Variants in ST6GALNAC3 observed in about 807,000 individuals in gnomAD.
ST6GALNAC3 encodes the protein alpha-N-acetylgalactosaminide alpha-2,6-sialyltransferase 3.
ST6GALNAC3 carries 25 observed loss-of-function variants against 32.7 expected under a neutral mutation model. That is an observed-to-expected ratio of 0.76 (90% CI 0.56 to 1.07). The LOEUF (loss-of-function observed/expected upper bound fraction) is 1.07, where lower values mean the gene tolerates loss of function less well. ST6GALNAC3 is among the 50% of genes least tolerant of loss of function. ST6GALNAC3 has a pLI of 0.00. For synonymous variants in ST6GALNAC3, 129 were observed against 133.1 expected (o/e 0.97, Z 0.21); for missense variants, 355 against 382.4 (o/e 0.93, Z 0.60).
At chr1:76,471,700 T>C (rs1659041562) in intron 3 of ST6GALNAC3, among the ~76,000 whole-genome samples, 1 of 152,164 alleles carries the variant, frequency 6.6e-6, no homozygotes, top group African/African-American at 2.4e-5. Context: ...CTAAATGTGA[T>C]GGAAATTTCA....
intron 3 of ST6GALNAC3, among the ~76,000 whole-genome samples, chr1:76,465,004 A>G (rs1313167691): frequency 6.6e-6 from 1 of 152,064 alleles, no homozygotes; most frequent in Non-Finnish European, 1.5e-5. Context: ...TTTTTTCAAA[A>G]TCAGGCGTTC....
chr1:76,258,893 A>G (rs1321078781), intron 1 of ST6GALNAC3, among the ~76,000 whole-genome samples: 1 of 152,186 alleles, frequency 6.6e-6, no homozygotes, highest in Non-Finnish European at 1.5e-5. Flanking sequence ...GTCTTTTTGA[A>G]TGTACTTGTG....
intron 3 of ST6GALNAC3, among the ~76,000 whole-genome samples, chr1:76,604,417 T>C (rs1203381256): frequency 6.6e-6 from 1 of 152,226 alleles, no homozygotes; most frequent in Non-Finnish European, 1.5e-5. Flanking sequence ...CTATGAGAGA[T>C]GTAGAGAATC....
At chr1:76,609,855 T>C (rs888444405) in intron 3 of ST6GALNAC3, among the ~76,000 whole-genome samples, 1 of 152,154 alleles carries the variant, frequency 6.6e-6, no homozygotes, top group South Asian at 2.1e-4. Context: ...AGAAGTGTTA[T>C]ATTAATAGCT....
intron 1 of ST6GALNAC3, among the ~76,000 whole-genome samples, chr1:76,308,390 T>A (rs571337931): frequency 1.3e-5 from 2 of 152,304 alleles, no homozygotes; most frequent in South Asian, 4.1e-4. Context: ...TGACTGTTTA[T>A]ATTGCATATA....
At chr1:76,160,348 G>A (rs890082155) in intron 1 of ST6GALNAC3, among the ~76,000 whole-genome samples, 25 of 152,184 alleles carry the variant, frequency 1.6e-4, no homozygotes, top group African/African-American at 5.8e-4. Context: ...TCCTGTAGTA[G>A]CAGTGTGAAG....
chr1:76,512,731 T>A (rs1661942865), intron 3 of ST6GALNAC3, among the ~76,000 whole-genome samples: 1 of 152,166 alleles, frequency 6.6e-6, no homozygotes, highest in South Asian at 2.1e-4. Context: ...TTCTTGCTCC[T>A]CTCCCTAATC....
chr1:76,192,902 T>C (rs1423102383), intron 1 of ST6GALNAC3, among the ~76,000 whole-genome samples: 1 of 152,198 alleles, frequency 6.6e-6, no homozygotes, highest in East Asian at 1.9e-4. Context: ...AACTGGGGAC[T>C]TTTGTTTATT....
At chr1:76,380,784 A>G (rs1651642958) in intron 2 of ST6GALNAC3, among the ~76,000 whole-genome samples, 1 of 152,218 alleles carries the variant, frequency 6.6e-6, no homozygotes, top group Non-Finnish European at 1.5e-5. Context: ...AGTTCTAGTG[A>G]GCTCCAAAGG....
At chr1:76,558,323 C>T (rs1665044925) in intron 3 of ST6GALNAC3, among the ~76,000 whole-genome samples, 1 of 152,082 alleles carries the variant, frequency 6.6e-6, no homozygotes. Context: ...TTCACAATAG[C>T]AAAGACAGGG....
intron 3 of ST6GALNAC3, among the ~76,000 whole-genome samples, chr1:76,526,355 C>T (rs1662911076): frequency 6.6e-6 from 1 of 152,082 alleles, no homozygotes; most frequent in South Asian, 2.1e-4. Flanking sequence ...GTGGTTACAA[C>T]TTCAAGTTGT....
intron 3 of ST6GALNAC3, among the ~76,000 whole-genome samples, chr1:76,608,755 G>A (rs1647730378): frequency 6.6e-6 from 1 of 151,818 alleles, no homozygotes; most frequent in South Asian, 2.1e-4. Context: ...TGTTACCAAC[G>A]TTTTCCCCTC....
At chr1:76,265,754 A>G (rs1204518446) in intron 1 of ST6GALNAC3, among the ~76,000 whole-genome samples, 2 of 152,206 alleles carry the variant, frequency 1.3e-5, no homozygotes, top group African/African-American at 4.8e-5. Flanking sequence ...AAATGAATAT[A>G]TAAAATCTCA....
chr1:76,274,152 C>G (rs1431289521), intron 1 of ST6GALNAC3, among the ~76,000 whole-genome samples: 1 of 152,140 alleles, frequency 6.6e-6, no homozygotes, highest in Non-Finnish European at 1.5e-5. Flanking sequence ...ATAATAAAAA[C>G]TTCTCAAACT....
chr1:76,393,424 A>G (rs1338017527), intron 2 of ST6GALNAC3, among the ~76,000 whole-genome samples: 2 of 152,156 alleles, frequency 1.3e-5, no homozygotes, highest in Admixed American at 6.5e-5. Flanking sequence ...TTTTATTCAC[A>G]ATTCATACTC....
intron 3 of ST6GALNAC3, among the ~76,000 whole-genome samples, chr1:76,475,565 A>T (rs1659295719): frequency 6.6e-6 from 1 of 152,202 alleles, no homozygotes; most frequent in Non-Finnish European, 1.5e-5. Flanking sequence ...ACTGCATTTT[A>T]GTCAAGGATT....
chr1:76,128,774 C>T (rs1649417124), intron 1 of ST6GALNAC3, among the ~76,000 whole-genome samples: 1 of 152,210 alleles, frequency 6.6e-6, no homozygotes, highest in African/African-American at 2.4e-5. Context: ...GAAAGATGAT[C>T]AGGCCTCCCT....
At chr1:76,483,343 A>G (rs1659866370) in intron 3 of ST6GALNAC3, among the ~76,000 whole-genome samples, 1 of 152,186 alleles carries the variant, frequency 6.6e-6, no homozygotes, top group Non-Finnish European at 1.5e-5. Flanking sequence ...TCCCACCAAC[A>G]GTGTAAAAGT....
intron 1 of ST6GALNAC3, among the ~76,000 whole-genome samples, chr1:76,143,254 G>GAATT (rs1650445523): frequency 6.6e-6 from 1 of 152,132 alleles, no homozygotes; most frequent in Admixed American, 6.5e-5. Flanking sequence ...AAAGGAAAGA[G>GAATT]AATTTTTACA....
Sources: allele counts gnomAD v4.1 joint callset (sites outside exome capture counted in the v4.1 genomes callset), GRCh38; gene constraint gnomAD v4.1.1; transcripts MANE v1.5; gene names NCBI Gene and HGNC (gene_info 2026-07-23, HGNC 2026-07-21).